MCF2L: variants seen among roughly 807,000 people sequenced by gnomAD.
The protein encoded by MCF2L is guanine nucleotide exchange factor DBS.
In MCF2L, 97 loss-of-function variants were observed where a neutral mutation model predicts 153.4. The observed-to-expected ratio is 0.63, with a 90% CI of 0.54 to 0.75. MCF2L has a LOEUF of 0.75. MCF2L is among the 30% of genes least tolerant of loss of function. The pLI is 0.00. For synonymous variants in MCF2L, 659 were observed against 632.2 expected (o/e 1.04, Z -0.64); for missense variants, 1,347 against 1,495.2 (o/e 0.90, Z 1.64).
At chr13:112,954,923 G>A (rs906076990) in intron 2 of MCF2L, among the ~76,000 whole-genome samples, 1 of 152,214 alleles carries the variant, frequency 6.6e-6, no homozygotes, top group African/African-American at 2.4e-5. Flanking sequence ...TGTTTAGGGC[G>A]AGTTGGTCAC....
At chr13:112,938,111 C>T (rs1384042448) in intron 2 of MCF2L, among the ~76,000 whole-genome samples, 3 of 127,544 alleles carry the variant, frequency 2.4e-5, no homozygotes, top group East Asian at 2.3e-4. Flanking sequence ...TTCAGGTGAG[C>T]GCTGAGGGGT....
At chr13:112,950,583 C>A (rs2081682025) in intron 2 of MCF2L, among the ~76,000 whole-genome samples, 1 of 152,094 alleles carries the variant, frequency 6.6e-6, no homozygotes, top group Admixed American at 6.5e-5. Flanking sequence ...CACAAATATG[C>A]CCAACTGATT....
Position 113,098,084 on chromosome 13 carries a change from T to G in MCF2L, c.*1225T>G, listed in dbSNP as rs1260853461. The G allele has an allele frequency of 1.3e-5, 2 of 152,460 alleles. No individual in the cohort carries two copies. Among genetic ancestry groups the G allele is most frequent in the Non-Finnish European group, 2.9e-5 (2 of 68,056 alleles). The allele number at this position is 152,460 out of a possible 1,614,324, so 9.4% of individuals were successfully genotyped here. On this transcript the variant is annotated 3_prime_UTR_variant, in exon 30 of 30. Coordinates refer to ENST00000535094, the MANE Select transcript of MCF2L (RefSeq NM_001112732.3). ...TTTTGTATGTGTGCACCTCTGACCATGTGTGTACATATGTGTCTTGCTGGA... is the reference window on the plus strand; with the variant it reads ...TTTTGTATGTGTGCACCTCTGACCAGGTGTGTACATATGTGTCTTGCTGGA...
At position 113,094,539 on chromosome 13, in the gene MCF2L, G is replaced by A. The variant is rs1290312985; in HGVS notation, c.2979G>A (p.Leu993=). 11 of 1,612,420 alleles carry A rather than the reference G, an allele frequency of 6.8e-6. No individual in the cohort carries two copies. In the Admixed American group the frequency reaches 1.3e-4, roughly 20 times the overall value. Residue 993 remains leucine (L), a synonymous_variant, in exon 27 of 30, where the codon CTG becomes CTA. Transcript: ENST00000535094. ...GTTGGAGCAAAACGTCCCACTCACTGGAGGCACCTGAGGACGACGGGGGCT... is the reference window on the plus strand; with the variant it reads ...GTTGGAGCAAAACGTCCCACTCACTAGAGGCACCTGAGGACGACGGGGGCT... ...GKGWSKTSHS[L]EAPEDDGGWS...
intron 2 of MCF2L, among the ~76,000 whole-genome samples, chr13:112,944,811 C>G (rs1225361142): frequency 1.3e-5 from 2 of 152,144 alleles, no homozygotes; most frequent in South Asian, 2.1e-4. Flanking sequence ...AAAGAGCCAG[C>G]CTCTTAGGGA....
rs114887055 is a variant in MCF2L, at chr13:113,087,998, G to C, written c.2688+199G>C. 4.3e-3 allele frequency among the ~76,000 whole-genome samples: 661 copies of C among 152,334 alleles called. 2 individuals carry two copies. The highest frequency in any genetic ancestry group is 0.015 in the African/African-American group (635 of 41,582). Reference sequence around the variant, plus strand: ...GGGAAAAGTACACATCAGACGGGGTGCTGCGAGGAAACGGGCTCTCCCTCC... The same window carrying C: ...GGGAAAAGTACACATCAGACGGGGTCCTGCGAGGAAACGGGCTCTCCCTCC... On this transcript the variant is annotated intron_variant, in intron 23 of 29. Transcript: ENST00000535094.
chr13:113,020,323 A>G (rs970712353), intron 2 of MCF2L, among the ~76,000 whole-genome samples: 4 of 152,236 alleles, frequency 2.6e-5, no homozygotes, highest in African/African-American at 9.6e-5. Context: ...TCCGTGGAGA[A>G]AACAAAGCAG....
upstream of MCF2L, among the ~76,000 whole-genome samples, chr13:112,967,044 G>T (rs2081902116): frequency 6.6e-6 from 1 of 152,194 alleles, no homozygotes; most frequent in African/African-American, 2.4e-5. Flanking sequence ...CTCAGAGGGA[G>T]TGTGGCCTAG....
chr13:113,066,338 G>A (rs1176114510), intron 8 of MCF2L, among the ~76,000 whole-genome samples, 168 bp downstream of exon 8: 2 of 152,222 alleles, frequency 1.3e-5, no homozygotes, highest in Non-Finnish European at 2.9e-5. Context: ...GAGCCTCTGT[G>A]TGGGCCTGGC....
In MCF2L at chr13:113,064,557, A is replaced by G. The variant is rs558980142; in HGVS notation, c.606+137A>G. The G allele has an allele frequency of 1.6e-6, 1 of 640,800 alleles. No homozygotes were observed. The highest frequency in any genetic ancestry group is 1.8e-5 in the African/African-American group (1 of 55,544). The allele number at this position is 640,800 out of a possible 1,614,324, so 39.7% of individuals were successfully genotyped here. ...CGTTTTCTTTCCCAAGAATGAGGAG[A>G]TGGTCTCAGTGGACCTTAGTCATTG... On this transcript the variant is annotated intron_variant, in intron 6 of 29. Transcript: ENST00000535094. The surrounding 1 kb of genome is among the most constrained non-coding windows in gnomAD (Gnocchi z 6.0).
At chr13:112,916,720 CGAGTGGTCCTTA>C (rs2081295823) in intron 2 of MCF2L, among the ~76,000 whole-genome samples, 1 of 152,110 alleles carries the variant, frequency 6.6e-6, no homozygotes, top group Non-Finnish European at 1.5e-5. Context: ...AGTGGTCCTC[CGAGTGGTCCTTA>C]GAGTGGTCCT....
At position 112,972,334 on chromosome 13, in the gene MCF2L, G is replaced by C. The variant is rs189099069; in HGVS notation, c.79+2876G>C. ...GTGGATGGATGGATGGATGGATGAT[G>C]ATGGATGGATGGATGTGTAAGTGGG... On this transcript the variant is annotated intron_variant, in intron 1 of 29. Transcript: ENST00000535094. Among the ~76,000 whole-genome samples, 26 of 145,952 alleles carry C rather than the reference G, an allele frequency of 1.8e-4. No homozygotes were observed. In the East Asian group the frequency reaches 5.4e-3, roughly 30 times the overall value.
intron 1 of MCF2L, among the ~76,000 whole-genome samples, chr13:112,973,483 G>C (rs1348425091): frequency 6.6e-6 from 1 of 152,194 alleles, no homozygotes. Flanking sequence ...GCGGAGGGAG[G>C]CTTGTGAGGA....
intron 2 of MCF2L, among the ~76,000 whole-genome samples, chr13:112,925,228 T>A (rs2081390479): frequency 6.6e-6 from 1 of 152,188 alleles, no homozygotes; most frequent in Non-Finnish European, 1.5e-5. Context: ...GTGGCTAAAA[T>A]TAAAGACTGG....
At chr13:113,025,566 G>T (rs113886278) in intron 3 of MCF2L, among the ~76,000 whole-genome samples, 394 of 16,260 alleles carry the variant, frequency 0.024, 2 homozygotes, top group Middle Eastern at 0.077. Flanking sequence ...AGAGTCTCTG[G>T]GAGGTTTCAT....
rs778135354 is a variant in MCF2L at position 113,026,887 on chromosome 13, C to T, written c.278+2129C>T. 6 of 754,696 alleles carry T rather than the reference C, an allele frequency of 8.0e-6. No individual in the cohort carries two copies. The Admixed American group carries it at 1.1e-4, about 14-fold the overall frequency. 46.7% of individuals were successfully genotyped at this position (754,696 alleles called of 1,614,324 possible). ...TCCCCAGCGGCGGGCAGGAGAGCAG[C>T]ATCAGGCCGGTGAGCTGCAGGCTGA... On this transcript the variant is annotated intron_variant, in intron 3 of 29. Coordinates refer to ENST00000535094, the MANE Select transcript of MCF2L (RefSeq NM_001112732.3).
At chr13:113,029,585 C>T (rs1424034665) in intron 3 of MCF2L, among the ~76,000 whole-genome samples, 2 of 152,210 alleles carry the variant, frequency 1.3e-5, no homozygotes, top group Non-Finnish European at 1.5e-5. Flanking sequence ...AGGAGACCTG[C>T]CCACTGCGCC....
chr13:113,096,157 AAGAC>A, intron 27 of MCF2L: 1 of 595,896 alleles, frequency 1.7e-6, no homozygotes, highest in Admixed American at 3.0e-5. Flanking sequence ...GCTGGGCCCA[AAGAC>A]AGATTCACAG....
At chr13:112,968,543 C>A, upstream of MCF2L, 5 of 1,554,774 alleles carry the variant, frequency 3.2e-6, no homozygotes, top group Non-Finnish European at 4.3e-6. Flanking sequence ...GGCGATGCCC[C>A]TGCGGGGAGG....
Sources: allele counts gnomAD v4.1 joint callset (sites outside exome capture counted in the v4.1 genomes callset), GRCh38; gene constraint gnomAD v4.1.1; non-coding constraint Gnocchi (gnomAD v3.1); transcripts MANE v1.5; gene names NCBI Gene and HGNC (gene_info 2026-07-23, HGNC 2026-07-21).